AKR1C3: variants seen among roughly 807,000 people sequenced by gnomAD.
The protein encoded by AKR1C3 is aldo-keto reductase family 1 member C3.
In AKR1C3, 48 loss-of-function variants were observed where a neutral mutation model predicts 43.6. That is an observed-to-expected ratio of 1.10 (90% CI 0.87 to 1.40). The LOEUF is 1.40. Ranked by LOEUF, AKR1C3 falls within the 40% of genes most tolerant of loss-of-function variation. The pLI is 0.00. For missense variants in AKR1C3, 482 were observed against 391.2 expected, an observed-to-expected ratio of 1.23 and a Z score of -1.96; for synonymous variants, 162 against 139.6, an observed-to-expected ratio of 1.16 and a Z score of -1.13.
intron 1 of AKR1C3, among the ~76,000 whole-genome samples, chr10:5,063,142 T>C (rs1838417354): frequency 6.6e-6 from 1 of 152,128 alleles, no homozygotes; most frequent in African/African-American, 2.4e-5. Context: ...TTGTACTCTA[T>C]TTTTCTTGAA....
At chr10:5,085,163 A>C (rs1441760828) in intron 1 of AKR1C3, among the ~76,000 whole-genome samples, 1 of 152,024 alleles carries the variant, frequency 6.6e-6, no homozygotes, top group Non-Finnish European at 1.5e-5. Context: ...CAGTTTTCAA[A>C]GGGAATGCTT....
chr10:5,102,065 T>C (rs1839365642), intron 5 of AKR1C3, 36 bp from the exon 6 acceptor site: 14 of 1,283,226 alleles, frequency 1.1e-5, no homozygotes, highest in Non-Finnish European at 1.6e-5. Flanking sequence ...AACTATTTCA[T>C]ATAAATTGAT....
intron 1 of AKR1C3, among the ~76,000 whole-genome samples, chr10:5,061,672 A>T (rs186701748): frequency 6.6e-6 from 1 of 152,204 alleles, no homozygotes; most frequent in Non-Finnish European, 1.5e-5. Flanking sequence ...TCTGATGCCC[A>T]ATTACAGTAT....
upstream of AKR1C3, among the ~76,000 whole-genome samples, chr10:5,092,467 T>G (rs1554784383): frequency 7.3e-6 from 1 of 137,366 alleles, no homozygotes; most frequent in East Asian, 2.2e-4. Context: ...TTAGGGTCTG[T>G]TCACATCTCT....
At chr10:5,050,188 C>A (rs1156959060) in intron 1 of AKR1C3, among the ~76,000 whole-genome samples, 3 of 152,236 alleles carry the variant, frequency 2.0e-5, no homozygotes, top group African/African-American at 7.2e-5. Context: ...TGTCTTTACT[C>A]ATTTCAAATC....
At chr10:5,099,244 G>A (rs1186752221) in intron 4 of AKR1C3, 83 bp from the exon 5 acceptor site, 5 of 1,586,382 alleles carry the variant, frequency 3.2e-6, no homozygotes, top group Non-Finnish European at 4.3e-6. Flanking sequence ...TTTGAAAGTT[G>A]TTGCTCTCAC....
At chr10:5,076,772 G>C (rs1248773221) in intron 1 of AKR1C3, among the ~76,000 whole-genome samples, 1 of 152,052 alleles carries the variant, frequency 6.6e-6, no homozygotes, top group Non-Finnish European at 1.5e-5. Flanking sequence ...GTCATGCATA[G>C]AGCTCTGTCT....
chr10:5,050,803 A>G (rs1838137668), intron 1 of AKR1C3, among the ~76,000 whole-genome samples: 1 of 152,154 alleles, frequency 6.6e-6, no homozygotes, highest in Admixed American at 6.5e-5. Flanking sequence ...ACCCTGTATC[A>G]TACACAACAG....
intron 7 of AKR1C3, among the ~76,000 whole-genome samples, chr10:5,104,499 C>T (rs368883349): frequency 5.5e-4 from 83 of 152,052 alleles, no homozygotes; most frequent in African/African-American, 1.9e-3. Context: ...AAAGGTCTTG[C>T]TACCAGAATG....
chr10:5,104,260 A>G (rs1172578841), intron 7 of AKR1C3, among the ~76,000 whole-genome samples: 1 of 152,150 alleles, frequency 6.6e-6, no homozygotes, highest in Non-Finnish European at 1.5e-5. Flanking sequence ...TGTAAATTCA[A>G]ATGAATTTCT....
chr10:5,069,599 G>A (rs1554781144), intron 1 of AKR1C3, among the ~76,000 whole-genome samples: 1 of 152,144 alleles, frequency 6.6e-6, no homozygotes, highest in East Asian at 1.9e-4. Flanking sequence ...TCCTGGCCAG[G>A]CATGGTGGCT....
intron 1 of AKR1C3, among the ~76,000 whole-genome samples, chr10:5,055,511 T>C (rs1272931991): frequency 6.6e-6 from 1 of 152,238 alleles, no homozygotes; most frequent in Non-Finnish European, 1.5e-5. Flanking sequence ...CCTTGTATTA[T>C]TTTGATAGCC....
At chr10:5,086,287 A>G (rs1468556758) in intron 1 of AKR1C3, among the ~76,000 whole-genome samples, 8 of 151,248 alleles carry the variant, frequency 5.3e-5, no homozygotes, top group African/African-American at 4.9e-5. Context: ...CTTTGTTCTC[A>G]TTGGTTTCAA....
chr10:5,085,287 C>A (rs6601902), intron 1 of AKR1C3, among the ~76,000 whole-genome samples: 1 of 151,640 alleles, frequency 6.6e-6, no homozygotes, highest in African/African-American at 2.4e-5. Flanking sequence ...TAGCATGAAG[C>A]GTTGTTGAAT....
At chr10:5,085,558 A>T (rs1266042452) in intron 1 of AKR1C3, among the ~76,000 whole-genome samples, 1 of 151,778 alleles carries the variant, frequency 6.6e-6, no homozygotes, top group Non-Finnish European at 1.5e-5. Context: ...TGTCTCTGCC[A>T]GGCTTTGGTA....
intron 1 of AKR1C3, among the ~76,000 whole-genome samples, chr10:5,054,925 C>T (rs1838228314): frequency 6.6e-6 from 1 of 152,258 alleles, no homozygotes; most frequent in Admixed American, 6.5e-5. Context: ...TTTTGCACTG[C>T]ATGCAATAAC....
intron 1 of AKR1C3, among the ~76,000 whole-genome samples, chr10:5,078,477 C>T (rs1554782054): frequency 6.6e-6 from 1 of 152,092 alleles, no homozygotes. Context: ...ATCATAAAAG[C>T]GAGATAGTTT....
upstream of AKR1C3, among the ~76,000 whole-genome samples, chr10:5,091,808 A>C (rs1406303653): frequency 1.3e-5 from 2 of 152,160 alleles, no homozygotes; most frequent in Non-Finnish European, 2.9e-5. Context: ...TTGTATTTTA[A>C]ACGTTGAAGA....
At chr10:5,107,432 A>T in intron 8 of AKR1C3, 29 bp from the exon 9 acceptor site, 1 of 1,468,364 alleles carries the variant, frequency 6.8e-7, no homozygotes, top group Non-Finnish European at 9.5e-7. Context: ...GAGTCATTGC[A>T]TTTATATTAT....
Sources: gnomAD v4.1 joint callset for allele counts (sites outside exome capture counted in the v4.1 genomes callset) on GRCh38, gnomAD v4.1.1 for gene constraint, MANE v1.5 for transcripts, NCBI Gene and HGNC (gene_info 2026-07-23, HGNC 2026-07-21) for gene names.